IGF2BP3: variants seen among roughly 807,000 people sequenced by gnomAD.
IGF2BP3 encodes insulin-like growth factor 2 mRNA-binding protein 3.
Under a neutral mutation model 73.8 loss-of-function variants are expected in IGF2BP3, and 9 were observed. The ratio of observed to expected loss-of-function variants is 0.12; its 90% CI spans 0.07 to 0.21. IGF2BP3 has a LOEUF of 0.21. IGF2BP3 is among the 10% of genes least tolerant of loss of function. The pLI is 1.00. For synonymous variants in IGF2BP3, 258 were observed against 256.7 expected, an observed-to-expected ratio of 1.01 and a Z score of -0.05; for missense variants, 542 against 714.0, an observed-to-expected ratio of 0.76 and a Z score of 2.75.
At chr7:23,315,073 G>A (rs938506452) in intron 12 of IGF2BP3, among the ~76,000 whole-genome samples, 3 of 151,930 alleles carry the variant, frequency 2.0e-5, no homozygotes, top group Non-Finnish European at 4.4e-5. Context: ...AAAGTGTTGG[G>A]ATTATGGGCA....
At chr7:23,312,687 T>G in intron 14 of IGF2BP3, 48 bp downstream of exon 14, 1 of 1,306,842 alleles carries the variant, frequency 7.7e-7, no homozygotes, top group African/African-American at 1.5e-5. Flanking sequence ...GTGGGAGAAT[T>G]GCTTCCACGT....
intron 10 of IGF2BP3, among the ~76,000 whole-genome samples, chr7:23,326,642 C>G (rs1228429441): frequency 1.3e-5 from 2 of 149,602 alleles, no homozygotes; most frequent in Non-Finnish European, 3.0e-5. Flanking sequence ...GCATTATTCA[C>G]AATAGCAAAG....
intron 2 of IGF2BP3, among the ~76,000 whole-genome samples, chr7:23,467,621 C>T (rs80124791): frequency 1.3e-5 from 2 of 152,134 alleles, no homozygotes; most frequent in African/African-American, 2.4e-5. Context: ...AAAATAGAGC[C>T]GGAATCCGGC....
Position 23,357,200 on chromosome 7 carries a change from C to T in IGF2BP3, c.401+4334G>A, listed in dbSNP as rs140958594. 1.1e-4 allele frequency among the ~76,000 whole-genome samples: 16 copies of T among 152,156 alleles called. No homozygotes were observed. In the East Asian group the frequency reaches 3.1e-3, roughly 29 times the overall value. On this transcript the variant is annotated intron_variant, in intron 5 of 14. Coordinates refer to ENST00000258729, the MANE Select transcript of IGF2BP3 (RefSeq NM_006547.3). Reference sequence around the variant, plus strand: ...TAGCCACTGGCCAAGTTGCTTCAAACACTTCTAAACATAACCATATTTACC... The same window carrying T: ...TAGCCACTGGCCAAGTTGCTTCAAATACTTCTAAACATAACCATATTTACC...
At chr7:23,336,514 CTTTT>C (rs923062497) in intron 10 of IGF2BP3, among the ~76,000 whole-genome samples, 28 of 148,352 alleles carry the variant, frequency 1.9e-4, no homozygotes, top group Non-Finnish European at 4.2e-4. Context: ...TTTTTCTCTT[CTTTT>C]TTTTTGAGAC....
chr7:23,342,151 G>A lies in IGF2BP3; in HGVS notation c.1116C>T (p.Ala372=). 6.2e-7 allele frequency: 1 copy of A among 1,613,808 alleles called. No individual in the cohort carries two copies. The highest frequency in any genetic ancestry group is 8.5e-7 in the Non-Finnish European group (1 of 1,179,858). Reference sequence around the variant, plus strand: ...CTGAAGTGGGTGGGAACAGACCCAAGGCGTTCAGATTTAATCCAGGAATTA... The same window carrying A: ...CTGAAGTGGGTGGGAACAGACCCAAAGCGTTCAGATTTAATCCAGGAATTA... ...AHLIPGLNLN[A]LGLFPPTSGM... Residue 372 remains alanine (A), a synonymous_variant, in exon 10 of 15, where the codon GCC becomes GCT. Coordinates refer to ENST00000258729, the MANE Select transcript of IGF2BP3 (RefSeq NM_006547.3).
chr7:23,342,216 T>C (rs896434621), intron 9 of IGF2BP3, 27 bp from the exon 10 acceptor site: 1 of 1,611,988 alleles, frequency 6.2e-7, no homozygotes, highest in South Asian at 1.1e-5. Context: ...GCCCCTTAAT[T>C]TGACAATTAA....
At chr7:23,387,829 T>C (rs561445856) in intron 3 of IGF2BP3, among the ~76,000 whole-genome samples, 1 of 152,192 alleles carries the variant, frequency 6.6e-6, no homozygotes, top group Non-Finnish European at 1.5e-5. Flanking sequence ...ATGGCAAGGA[T>C]GCAGAGCAAT....
chr7:23,410,172 AT>A (rs1260244855), intron 3 of IGF2BP3, among the ~76,000 whole-genome samples: 1 of 151,940 alleles, frequency 6.6e-6, no homozygotes, highest in Non-Finnish European at 1.5e-5. Context: ...CCATCTTAAA[AT>A]TTTTTTTAAA....
At chr7:23,312,961 T>C in intron 13 of IGF2BP3, 113 bp from the exon 14 acceptor site, 1 of 640,004 alleles carries the variant, frequency 1.6e-6, no homozygotes, top group Non-Finnish European at 2.8e-6. Flanking sequence ...TTTCATTTAA[T>C]CCAGTGGTAA....
At chr7:23,312,950 A>G (rs1783873872) in intron 13 of IGF2BP3, 102 bp from the exon 14 acceptor site, 2 of 655,794 alleles carry the variant, frequency 3.0e-6, no homozygotes, top group South Asian at 2.0e-5. Flanking sequence ...GGCTTTACAA[A>G]TTTCATTTAA....
At chr7:23,396,480 TG>T in intron 3 of IGF2BP3, 2 of 186,280 alleles carry the variant, frequency 1.1e-5, no homozygotes, top group East Asian at 1.4e-4. Context: ...CTGGAATTAC[TG>T]GCAGATTGTG....
At chr7:23,422,035 T>TC (rs1465184236) in intron 2 of IGF2BP3, among the ~76,000 whole-genome samples, 2 of 152,000 alleles carry the variant, frequency 1.3e-5, no homozygotes, top group Admixed American at 1.3e-4. Context: ...TATCTTGACC[T>TC]CCCCAAAGTG....
chr7:23,381,061 C>T lies in IGF2BP3; in HGVS notation c.286-19320G>A, dbSNP rs117586734. 5.7e-4 allele frequency among the ~76,000 whole-genome samples: 87 copies of T among 152,342 alleles called. 1 individual carries two copies. The East Asian group carries it at 0.014, about 25-fold the overall frequency. On this transcript the variant is annotated intron_variant, in intron 3 of 14. Transcript: ENST00000258729. ...TTGTCCATGTCTAAATCAGACTCAACTTCACAGCTGTATCTAGAACAGGCC... is the reference window on the plus strand; with the variant it reads ...TTGTCCATGTCTAAATCAGACTCAATTTCACAGCTGTATCTAGAACAGGCC...
At chr7:23,338,944 C>T (rs1466800375) in intron 10 of IGF2BP3, among the ~76,000 whole-genome samples, 2 of 152,240 alleles carry the variant, frequency 1.3e-5, no homozygotes, top group African/African-American at 4.8e-5. Flanking sequence ...CTGCCTGGAA[C>T]ACATGTAGAA....
intron 10 of IGF2BP3, among the ~76,000 whole-genome samples, chr7:23,339,752 G>A (rs191372407): frequency 3.4e-4 from 52 of 152,282 alleles, no homozygotes; most frequent in African/African-American, 1.2e-3. Context: ...TTAGATGCGA[G>A]CTTTCCTAGC....
chr7:23,428,457 G>A (rs1787578711), intron 2 of IGF2BP3, among the ~76,000 whole-genome samples: 1 of 151,640 alleles, frequency 6.6e-6, no homozygotes, highest in Non-Finnish European at 1.5e-5. Context: ...GGGCGACAGA[G>A]AGAGACTCCG....
intron 2 of IGF2BP3, chr7:23,431,122 C>T (rs1787664104): frequency 6.6e-6 from 1 of 152,214 alleles, no homozygotes; most frequent in South Asian, 2.1e-4. Context: ...CACACATACA[C>T]ATGAACATTA....
chr7:23,365,027 G>A (rs1380491780), intron 3 of IGF2BP3, among the ~76,000 whole-genome samples: 2 of 152,088 alleles, frequency 1.3e-5, no homozygotes, highest in African/African-American at 4.8e-5. Flanking sequence ...TTAGCCTGCA[G>A]TGGTGGCGCA....
Sources: gnomAD v4.1 joint callset for allele counts (sites outside exome capture counted in the v4.1 genomes callset) on GRCh38, gnomAD v4.1.1 for gene constraint, MANE v1.5 for transcripts, NCBI Gene and HGNC (gene_info 2026-07-23, HGNC 2026-07-21) for gene names.